The following RTN1 variants were observed in gnomAD, a reference collection of about 807,000 sequenced individuals.
RTN1 encodes reticulon-1.
In RTN1, 25 loss-of-function variants were observed where a neutral mutation model predicts 65.5. The observed-to-expected ratio is 0.38, with a 90% CI of 0.28 to 0.53. The LOEUF is 0.53. Ranked by LOEUF, RTN1 falls within the 20% of genes least tolerant of loss-of-function variation. RTN1 has a pLI of 0.79. For synonymous variants in RTN1, 471 were observed against 447.6 expected, an observed-to-expected ratio of 1.05 and a Z score of -0.66; for missense variants, 983 against 1,025.4, an observed-to-expected ratio of 0.96 and a Z score of 0.57.
chr14:59,797,043 A>G (rs1439230168), intron 1 of RTN1, among the ~76,000 whole-genome samples: 3 of 152,214 alleles, frequency 2.0e-5, no homozygotes, highest in Non-Finnish European at 4.4e-5. Context: ...TCAAATTCCA[A>G]GTGGATCACA....
At chr14:59,837,293 A>G (rs990343501) in intron 1 of RTN1, among the ~76,000 whole-genome samples, 40 of 152,100 alleles carry the variant, frequency 2.6e-4, no homozygotes, top group African/African-American at 9.4e-4. Context: ...ACATTCATTA[A>G]CCAAAACAAA....
chr14:59,654,521 AT>A (rs1180344676), intron 3 of RTN1, among the ~76,000 whole-genome samples: 1 of 151,372 alleles, frequency 6.6e-6, no homozygotes, highest in Non-Finnish European at 1.5e-5. Flanking sequence ...AAAAGTCATT[AT>A]GAAAAAAAAA....
At chr14:59,615,608 C>T (rs142464506) in intron 3 of RTN1, among the ~76,000 whole-genome samples, 1 of 152,112 alleles carries the variant, frequency 6.6e-6, no homozygotes, top group Admixed American at 6.5e-5. Flanking sequence ...GAAAATCTTA[C>T]CCTATGGTCA....
At chr14:59,661,323 T>A (rs113444468) in intron 3 of RTN1, among the ~76,000 whole-genome samples, 1 of 146,756 alleles carries the variant, frequency 6.8e-6, no homozygotes. Flanking sequence ...ATTCGAGGTA[T>A]AAAGAGGAGC....
chr14:59,658,412 G>C (rs1883170865), intron 3 of RTN1, among the ~76,000 whole-genome samples: 1 of 152,140 alleles, frequency 6.6e-6, no homozygotes, highest in Non-Finnish European at 1.5e-5. Context: ...TGCTCAAGTG[G>C]GTCCCTGACC....
At chr14:59,854,432 G>T (rs1887566563) in intron 1 of RTN1, among the ~76,000 whole-genome samples, 1 of 151,848 alleles carries the variant, frequency 6.6e-6, no homozygotes, top group Admixed American at 6.6e-5. Context: ...CATAAGGTCA[G>T]GAGATCAAGA....
chr14:59,773,472 A>G (rs1163494917), intron 1 of RTN1, among the ~76,000 whole-genome samples: 3 of 152,184 alleles, frequency 2.0e-5, no homozygotes, highest in South Asian at 2.1e-4. Context: ...ATAAATCAGC[A>G]CAAAAAAGAC....
chr14:59,653,478 T>A (rs571639707), intron 3 of RTN1, among the ~76,000 whole-genome samples: 1 of 152,114 alleles, frequency 6.6e-6, no homozygotes, highest in South Asian at 2.1e-4. Context: ...CCAGAAATAG[T>A]AAATATTTTG....
At chr14:59,706,053 G>A (rs1594689786) in intron 3 of RTN1, among the ~76,000 whole-genome samples, 1 of 150,708 alleles carries the variant, frequency 6.6e-6, no homozygotes, top group East Asian at 2.0e-4. Context: ...TTCCTCCATT[G>A]AATCTACACT....
chr14:59,602,000 C>A (rs988753562), intron 8 of RTN1, among the ~76,000 whole-genome samples: 2 of 152,140 alleles, frequency 1.3e-5, no homozygotes, highest in African/African-American at 2.4e-5. Context: ...TGTTGTAGAT[C>A]TCTCAAAGAT....
chr14:59,720,854 A>G (rs1161903379), intron 3 of RTN1, among the ~76,000 whole-genome samples: 1 of 152,170 alleles, frequency 6.6e-6, no homozygotes, highest in African/African-American at 2.4e-5. Context: ...GAAAGCTGAC[A>G]AAGAACAGCA....
intron 8 of RTN1, among the ~76,000 whole-genome samples, chr14:59,601,061 G>GGGT (rs1236795045): frequency 2.0e-5 from 3 of 152,150 alleles, no homozygotes; most frequent in African/African-American, 7.2e-5. Flanking sequence ...AAACATCAAG[G>GGGT]GGTGGCCATT....
intron 3 of RTN1, among the ~76,000 whole-genome samples, chr14:59,669,913 C>A (rs1883466421): frequency 6.6e-6 from 1 of 152,218 alleles, no homozygotes; most frequent in African/African-American, 2.4e-5. Context: ...ACTCCTTGTT[C>A]CAGAGCAACA....
chr14:59,714,878 T>C (rs890920343), intron 3 of RTN1, among the ~76,000 whole-genome samples: 14 of 152,352 alleles, frequency 9.2e-5, no homozygotes, highest in African/African-American at 3.1e-4. Context: ...TGAGCATTTC[T>C]TCCTGAGCTC....
intron 3 of RTN1, among the ~76,000 whole-genome samples, chr14:59,713,088 T>G (rs1331737453): frequency 6.6e-6 from 1 of 152,160 alleles, no homozygotes; most frequent in Non-Finnish European, 1.5e-5. Flanking sequence ...TATTATCTCC[T>G]TTGAACAGAC....
intron 8 of RTN1, among the ~76,000 whole-genome samples, chr14:59,598,575 T>C (rs539503101): frequency 6.6e-6 from 1 of 152,126 alleles, no homozygotes; most frequent in East Asian, 1.9e-4. Context: ...GAGGAAGAGG[T>C]GCCAGCAGAG....
chr14:59,757,424 C>G (rs138817169), intron 1 of RTN1, among the ~76,000 whole-genome samples: 1 of 152,182 alleles, frequency 6.6e-6, no homozygotes, highest in Admixed American at 6.5e-5. Context: ...CTCATTCTCT[C>G]TTTGCTGGCT....
intron 3 of RTN1, among the ~76,000 whole-genome samples, chr14:59,670,331 T>TA (rs1566679767): frequency 1.3e-5 from 2 of 152,180 alleles, no homozygotes; most frequent in African/African-American, 4.8e-5. Flanking sequence ...TCTTAACTTA[T>TA]ATAGAAGGAA....
chr14:59,777,842 A>C (rs1886083036), intron 1 of RTN1, among the ~76,000 whole-genome samples: 1 of 119,882 alleles, frequency 8.3e-6, no homozygotes, highest in South Asian at 2.4e-4. Flanking sequence ...AAACAAAACA[A>C]CAAAACACAC....
Sources: gnomAD v4.1 joint callset for allele counts (sites outside exome capture counted in the v4.1 genomes callset) on GRCh38, gnomAD v4.1.1 for gene constraint, MANE v1.5 for transcripts, NCBI Gene and HGNC (gene_info 2026-07-23, HGNC 2026-07-21) for gene names.